HNRNPM: variants seen among roughly 807,000 people sequenced by gnomAD.
HNRNPM encodes the protein heterogeneous nuclear ribonucleoprotein M, also known as CEA receptor.
In HNRNPM, 11 loss-of-function variants were observed where a neutral mutation model predicts 73.1. That is an observed-to-expected ratio of 0.15 (90% CI 0.09 to 0.25). The LOEUF is 0.25. Among genes scored for constraint, HNRNPM ranks in the 10% least tolerant of loss-of-function variants. The pLI, the probability that HNRNPM is intolerant of heterozygous loss-of-function variation, is 1.00. For missense variants in HNRNPM, 789 were observed against 1,067.9 expected, an observed-to-expected ratio of 0.74 and a Z score of 3.64; for synonymous variants, 407 against 355.2, an observed-to-expected ratio of 1.15 and a Z score of -1.64.
Position 8,468,628 on chromosome 19 carries a change from A to G in HNRNPM, c.835-146A>G, listed in dbSNP as rs1240756519. ...ACATAAAATAGGAAGCATGCTCCGC[A>G]TGCCTTTCTACCCTTGCGTATTACT... is the stretch of plus-strand genomic sequence containing the variant. On this transcript the variant is annotated intron_variant, in intron 8 of 15. Transcript: ENST00000325495. 103 of 630,386 alleles carry G rather than the reference A, an allele frequency of 1.6e-4. 1 individual carries two copies. The Admixed American group carries it at 2.3e-3, about 14-fold the overall frequency. The allele number at this position is 630,386 out of a possible 1,614,324, so 39.0% of individuals were successfully genotyped here.
At chr19:8,461,999 C>T (rs72998790) in intron 2 of HNRNPM, 34 of 153,646 alleles carry the variant, frequency 2.2e-4, no homozygotes, top group Non-Finnish European at 4.1e-4. Context: ...CCCCTGAGTG[C>T]GGGGCTCTGT....
At chr19:8,461,387 T>C (rs770468213) in intron 2 of HNRNPM, among the ~76,000 whole-genome samples, 6 of 152,228 alleles carry the variant, frequency 3.9e-5, no homozygotes, top group Non-Finnish European at 5.9e-5. Context: ...GTTAAGCGGG[T>C]TATTTTTACC....
chr19:8,488,889 C>T lies in HNRNPM; in HGVS notation c.*35C>T, dbSNP rs576945658. On this transcript the variant is annotated 3_prime_UTR_variant, in exon 16 of 16. Transcript: ENST00000325495. ...TTTTTTAAACATCGATACGAGACCT[C>T]TGAATTTGTATTTTTTCTTGTTAAC... 39 of 1,539,032 alleles carry T rather than the reference C, an allele frequency of 2.5e-5. No homozygotes were observed. The Admixed American group carries it at 7.3e-4, about 29-fold the overall frequency.
chr19:8,448,509 T>C (rs7507410), intron 1 of HNRNPM, among the ~76,000 whole-genome samples: 139,696 of 149,732 alleles, frequency 0.93, 65,955 homozygotes, highest in East Asian at 1. Context: ...CTCGCTCTGT[T>C]GCCCAGGCTG....
At chr19:8,474,947 T>C (rs987121733) in intron 12 of HNRNPM, among the ~76,000 whole-genome samples, 1 of 152,174 alleles carries the variant, frequency 6.6e-6, no homozygotes, top group Non-Finnish European at 1.5e-5. Context: ...ACTCCTGACT[T>C]CATGTGATCC....
chr19:8,484,951 C>G (rs1252550307), intron 13 of HNRNPM, among the ~76,000 whole-genome samples: 1 of 152,052 alleles, frequency 6.6e-6, no homozygotes, highest in Admixed American at 6.6e-5. Context: ...CCAAAGCCAG[C>G]AAGTCATTTG....
At position 8,455,484 on chromosome 19, in the gene HNRNPM, G is replaced by A; in HGVS notation, c.193G>A (p.Ala65Thr). ...AGGAGGCAATCGCTTTGAGCCATAT[G>A]CCAATCCAACTAAAAGATACAGAGC... Reference protein sequence around the residue: ...KRGGNRFEPYANPTKRYRAFI... With the variant: ...KRGGNRFEPYTNPTKRYRAFI... Residue 65 changes from alanine (A) to threonine (T), a missense_variant, in exon 2 of 16, where the codon GCC (alanine) becomes ACC (threonine). Physicochemically the swap from Ala to Thr is moderately conservative, Grantham distance 58. This residue lies in a region of HNRNPM where 63 missense variants were observed against 147.4 expected (regional missense o/e 0.43). Coordinates refer to ENST00000325495, the MANE Select transcript of HNRNPM (RefSeq NM_005968.5). 6.2e-7 allele frequency: 1 copy of A among 1,613,802 alleles called. No individual in the cohort carries two copies. Among genetic ancestry groups the A allele is most frequent in the Non-Finnish European group, 8.5e-7 (1 of 1,179,716 alleles).
intron 12 of HNRNPM, among the ~76,000 whole-genome samples, chr19:8,477,384 G>A (rs1970582202): frequency 6.6e-6 from 1 of 152,152 alleles, no homozygotes. Context: ...AAGGCTGGGT[G>A]TAGTGGCTCA....
intron 12 of HNRNPM, among the ~76,000 whole-genome samples, chr19:8,481,713 C>T (rs985983941): frequency 2.6e-5 from 4 of 152,092 alleles, no homozygotes; most frequent in Non-Finnish European, 5.9e-5. Context: ...TTTCAGGCTG[C>T]CAAAAAGCCT....
intron 1 of HNRNPM, among the ~76,000 whole-genome samples, chr19:8,450,786 G>A (rs1968560554): frequency 6.7e-6 from 1 of 148,824 alleles, no homozygotes; most frequent in African/African-American, 2.5e-5. Flanking sequence ...GTGCAGTGGC[G>A]CTATCTCACT....
chr19:8,445,128 C>G lies in HNRNPM; in HGVS notation c.113+17C>G, dbSNP rs1968038612. 6 of 1,385,934 alleles carry G rather than the reference C, an allele frequency of 4.3e-6. No homozygotes were observed. In the Admixed American group the frequency reaches 2.4e-4, roughly 55 times the overall value. 85.9% of individuals were successfully genotyped at this position (1,385,934 alleles called of 1,614,324 possible). A position where few individuals can be genotyped will look rare whatever the true frequency, so the allele number is the denominator to read the frequency against. Reference sequence around the variant, plus strand: ...CCCTAAGGGGTGAGTATCCCACGGTCCTTTGCCACGGGTAAGGGTTCCTCT... The same window carrying G: ...CCCTAAGGGGTGAGTATCCCACGGTGCTTTGCCACGGGTAAGGGTTCCTCT... On this transcript the variant is annotated intron_variant, in intron 1 of 15. Transcript: ENST00000325495.
intron 12 of HNRNPM, among the ~76,000 whole-genome samples, chr19:8,474,567 C>T (rs569284531): frequency 1.3e-5 from 2 of 152,240 alleles, no homozygotes; most frequent in South Asian, 4.1e-4. Flanking sequence ...TCAAGTTTGT[C>T]TCTGGGAGTG....
intron 5 of HNRNPM, among the ~76,000 whole-genome samples, chr19:8,464,845 TCA>T (rs1468207773): frequency 6.6e-6 from 1 of 152,112 alleles, no homozygotes; most frequent in African/African-American, 2.4e-5. Context: ...TGCGCAGCCC[TCA>T]CACACACGCC....
In HNRNPM at chr19:8,445,016, AGCGGCGGCGGAGGTG is replaced by A; in HGVS notation, c.25_39del (p.Ala9_Ala13del). On this transcript the variant is annotated inframe_deletion, in exon 1 of 16. Transcript: ENST00000325495. ...CGGAGAAAATGGCGGCAGGGGTCGA[AGCGGCGGCGGAGGTG>A]GCGGCGACGGAGATCAAAATGGAGG... 2 of 1,425,466 alleles carry A rather than the reference AGCGGCGGCGGAGGTG, an allele frequency of 1.4e-6. No individual in the cohort carries two copies. The highest frequency in any genetic ancestry group is 1.8e-6 in the Non-Finnish European group (2 of 1,091,828). 88.3% of individuals were successfully genotyped at this position (1,425,466 alleles called of 1,614,324 possible).
chr19:8,463,999 CCTT>C (rs1396312269), intron 5 of HNRNPM: 9 of 265,414 alleles, frequency 3.4e-5, no homozygotes, highest in East Asian at 2.3e-4. Context: ...TCCATCTGAC[CCTT>C]CTTCTTGGCC....
chr19:8,486,930 G>A (rs1971354525), intron 14 of HNRNPM, 94 bp from the exon 15 acceptor site: 1 of 958,780 alleles, frequency 1.0e-6, no homozygotes, highest in Admixed American at 1.7e-5. Context: ...TCGGTATAGT[G>A]AGAAATCTAG....
In HNRNPM at chr19:8,466,229, G is replaced by A. The variant is rs369126337; in HGVS notation, c.631-6G>A. 9 of 1,611,202 alleles carry A rather than the reference G, an allele frequency of 5.6e-6. No homozygotes were observed. Among genetic ancestry groups the A allele is most frequent in the South Asian group, 2.2e-5 (2 of 90,474 alleles). On this transcript the variant is annotated splice_polypyrimidine_tract_variant and splice_region_variant and intron_variant, in intron 6 of 15. Coordinates refer to ENST00000325495, the MANE Select transcript of HNRNPM (RefSeq NM_005968.5). ...TGAGGTTTTTACCCCGTTCTCTCTCGATTAGCTGGATTATAAAGTTGGCTG... is the reference window on the plus strand; with the variant it reads ...TGAGGTTTTTACCCCGTTCTCTCTCAATTAGCTGGATTATAAAGTTGGCTG...
intron 5 of HNRNPM, 134 bp from the exon 6 acceptor site, chr19:8,465,190 C>T (rs556135227): frequency 1.4e-6 from 1 of 706,108 alleles, no homozygotes; most frequent in East Asian, 2.8e-5. Flanking sequence ...ATTTGACTTT[C>T]TTGTTAATAG....
At chr19:8,463,541 T>C in intron 4 of HNRNPM, 37 bp downstream of exon 4, 1 of 1,613,576 alleles carries the variant, frequency 6.2e-7, no homozygotes, top group Non-Finnish European at 8.5e-7. Context: ...TATTTGAGCC[T>C]TCTAACTTGT....
Sources: allele counts gnomAD v4.1 joint callset (sites outside exome capture counted in the v4.1 genomes callset), GRCh38; gene constraint gnomAD v4.1.1; regional missense constraint gnomAD v4.1.1; transcripts MANE v1.5; gene names NCBI Gene and HGNC (gene_info 2026-07-23, HGNC 2026-07-21).